Variants in IQCE observed in about 807,000 individuals in gnomAD.
IQCE encodes the protein IQ domain-containing protein E.
IQCE carries 115 observed loss-of-function variants against 96.0 expected under a neutral mutation model. That is an observed-to-expected ratio of 1.20 (90% CI 1.03 to 1.40). IQCE has a LOEUF of 1.40. Ranked by LOEUF, IQCE falls within the 40% of genes most tolerant of loss-of-function variation. The pLI is 0.00. For missense variants in IQCE, 1,041 were observed against 909.1 expected, an observed-to-expected ratio of 1.15 and a Z score of -1.87; for synonymous variants, 412 against 371.2, an observed-to-expected ratio of 1.11 and a Z score of -1.26.
intron 12 of IQCE, among the ~76,000 whole-genome samples, 200 bp downstream of exon 12, chr7:2,586,571 C>A (rs1783134685): frequency 6.6e-6 from 1 of 152,240 alleles, no homozygotes; most frequent in South Asian, 2.1e-4. Flanking sequence ...CAGAAGCTCA[C>A]AGACATCCCT....
At chr7:2,578,208 G>A (rs376126235) in intron 6 of IQCE, 34 bp from the exon 7 acceptor site, 8 of 1,521,032 alleles carry the variant, frequency 5.3e-6, no homozygotes, top group Non-Finnish European at 7.3e-6. Context: ...GCAGCTTCGT[G>A]TGGATGGCTG....
In IQCE at chr7:2,558,988, C is replaced by T. The variant is rs1269472611; in HGVS notation, c.-194C>T. The T allele has an allele frequency of 5.3e-5, 18 of 340,960 alleles. No individual in the cohort carries two copies. In the Admixed American group the frequency reaches 7.8e-4, roughly 15 times the overall value. 21.1% of individuals were successfully genotyped at this position (340,960 alleles called of 1,614,324 possible). ...GGCGCCCGCGGACTCTGCGCACGCGCATGGTCGCCCCAGGGGGAACGCAGG... is the reference window on the plus strand; with the variant it reads ...GGCGCCCGCGGACTCTGCGCACGCGTATGGTCGCCCCAGGGGGAACGCAGG... On this transcript the variant is annotated 5_prime_UTR_variant, in exon 1 of 22. Transcript: ENST00000402050.
intron 4 of IQCE, 134 bp downstream of exon 4, chr7:2,571,788 A>G: frequency 6.0e-6 from 6 of 1,006,528 alleles, no homozygotes; most frequent in Non-Finnish European, 7.2e-6. Flanking sequence ...GAAGACATCA[A>G]ATATACACAT....
chr7:2,608,243 C>T (rs1448242022), intron 21 of IQCE, among the ~76,000 whole-genome samples: 1 of 152,186 alleles, frequency 6.6e-6, no homozygotes, highest in Admixed American at 6.5e-5. Flanking sequence ...CCTCGCTTTC[C>T]TGGGAGATCC....
chr7:2,606,376 T>C (rs1159250133), intron 20 of IQCE, among the ~76,000 whole-genome samples: 2 of 152,092 alleles, frequency 1.3e-5, no homozygotes, highest in African/African-American at 4.8e-5. Context: ...ACCTCCGTGT[T>C]GGACACGGCA....
In IQCE at chr7:2,614,255, C is replaced by G. The variant is rs1420849139; in HGVS notation, c.*4093C>G. Reference sequence around the variant, plus strand: ...AGAAAGCACCGATAACCTTCAAGATCTGAATGAGATTCTATTATAACCCGT... The same window carrying G: ...AGAAAGCACCGATAACCTTCAAGATGTGAATGAGATTCTATTATAACCCGT... On this transcript the variant is annotated 3_prime_UTR_variant, in exon 22 of 22. Coordinates refer to ENST00000402050, the MANE Select transcript of IQCE (RefSeq NM_152558.5). 6.6e-6 allele frequency: 1 copy of G among 152,242 alleles called. No homozygotes were observed. Among genetic ancestry groups the G allele is most frequent in the Non-Finnish European group, 1.5e-5 (1 of 68,050 alleles). The allele number at this position is 152,242 out of a possible 1,614,324, so 9.4% of individuals were successfully genotyped here. A position where few individuals can be genotyped will look rare whatever the true frequency, so the allele number is the denominator to read the frequency against.
At chr7:2,582,698 G>T (rs776934510) in intron 9 of IQCE, 48 bp downstream of exon 9, 100 of 1,556,394 alleles carry the variant, frequency 6.4e-5, no homozygotes, top group Middle Eastern at 1.7e-4. Context: ...CCCGTGTTCT[G>T]CTTGCTCAGA....
intron 12 of IQCE, among the ~76,000 whole-genome samples, chr7:2,586,737 C>T (rs1196614639): frequency 6.6e-6 from 1 of 152,120 alleles, no homozygotes; most frequent in Non-Finnish European, 1.5e-5. Flanking sequence ...GGAAGGCACC[C>T]CCAAGACGGT....
chr7:2,602,239 G>A (rs1013033853), intron 18 of IQCE, among the ~76,000 whole-genome samples: 5 of 152,250 alleles, frequency 3.3e-5, no homozygotes, highest in African/African-American at 1.2e-4. Flanking sequence ...GGTGGGACAA[G>A]GAGTCTGAGA....
chr7:2,602,461 C>A (rs1784497875), intron 18 of IQCE, among the ~76,000 whole-genome samples: 1 of 152,196 alleles, frequency 6.6e-6, no homozygotes, highest in African/African-American at 2.4e-5. Flanking sequence ...TCCACTTAGA[C>A]TGCAGGAGAG....
chr7:2,559,709 T>G (rs1780778092), intron 1 of IQCE, among the ~76,000 whole-genome samples: 1 of 141,068 alleles, frequency 7.1e-6, no homozygotes. Flanking sequence ...GGTTAGTTAC[T>G]TTGCCCGGTA....
In IQCE at chr7:2,591,616, ATTTTTTT is replaced by A. The variant is rs766125885; in HGVS notation, c.1245-1390_1245-1384del. Among the ~76,000 whole-genome samples, 338 of 118,686 alleles carry A rather than the reference ATTTTTTT, an allele frequency of 2.8e-3. 1 individual carries two copies. The highest frequency in any genetic ancestry group is 3.1e-3 in the East Asian group (13 of 4,138). The allele number at this position is 118,686 out of a possible 152,430, so 77.9% of individuals were successfully genotyped here. A position where few individuals can be genotyped will look rare whatever the true frequency, so the allele number is the denominator to read the frequency against. ...CTGCTTCCAGTGGGATCTGCGGGTGATTTTTTTTTTTTTTTTTTTTTTGAGACAGAAT... is the reference window on the plus strand; with the variant it reads ...CTGCTTCCAGTGGGATCTGCGGGTGATTTTTTTTTTTTTTTGAGACAGAAT... On this transcript the variant is annotated intron_variant, in intron 14 of 21. Coordinates refer to ENST00000402050, the MANE Select transcript of IQCE (RefSeq NM_152558.5).
intron 14 of IQCE, among the ~76,000 whole-genome samples, chr7:2,591,761 C>T (rs1460126172): frequency 1.3e-5 from 2 of 152,090 alleles, no homozygotes; most frequent in South Asian, 2.1e-4. Context: ...GCTGGGATTA[C>T]AGGCATGTGC....
chr7:2,564,233 C>A (rs772499581), intron 1 of IQCE, among the ~76,000 whole-genome samples: 1 of 151,894 alleles, frequency 6.6e-6, no homozygotes, highest in Non-Finnish European at 1.5e-5. Context: ...AAATTTCACT[C>A]ATCTAAGATA....
intron 1 of IQCE, among the ~76,000 whole-genome samples, chr7:2,564,613 T>C (rs1781225446): frequency 6.6e-6 from 1 of 152,006 alleles, no homozygotes; most frequent in Admixed American, 6.5e-5. Flanking sequence ...AAAAAAAATC[T>C]ATACATTTGT....
intron 3 of IQCE, among the ~76,000 whole-genome samples, chr7:2,569,636 G>T (rs36113256): frequency 6.6e-6 from 1 of 152,172 alleles, no homozygotes; most frequent in Non-Finnish European, 1.5e-5. Context: ...GACCTTGTGC[G>T]TACGAATGTG....
chr7:2,559,777 GGGGGGC>G (rs1583366050), intron 1 of IQCE, among the ~76,000 whole-genome samples: 1 of 127,834 alleles, frequency 7.8e-6, no homozygotes, highest in African/African-American at 2.8e-5. Flanking sequence ...GGGGGGGGGG[GGGGGGC>G]GGAGGGACAA....
intron 1 of IQCE, among the ~76,000 whole-genome samples, chr7:2,564,967 T>G (rs1781251926): frequency 6.6e-6 from 1 of 152,234 alleles, no homozygotes; most frequent in Admixed American, 6.5e-5. Flanking sequence ...CCATTTCTTC[T>G]GTTACAACCA....
In IQCE at chr7:2,613,609, CG is replaced by C. The variant is rs1285132570; in HGVS notation, c.*3449del. The C allele has an allele frequency of 6.6e-6, 1 of 152,314 alleles. No individual in the cohort carries two copies. The highest frequency in any genetic ancestry group is 2.4e-5 in the African/African-American group (1 of 41,434). The allele number at this position is 152,314 out of a possible 1,614,324, so 9.4% of individuals were successfully genotyped here. ...GTTCACATCACCCACCAGACAGCTG[CG>C]GAGAGAGTGCAGGGAGGGGCTGGGA... is the stretch of plus-strand genomic sequence containing the variant. On this transcript the variant is annotated 3_prime_UTR_variant, in exon 22 of 22. Transcript: ENST00000402050.
Sources: gnomAD v4.1 joint callset for allele counts (sites outside exome capture counted in the v4.1 genomes callset) on GRCh38, gnomAD v4.1.1 for gene constraint, MANE v1.5 for transcripts, NCBI Gene and HGNC (gene_info 2026-07-23, HGNC 2026-07-21) for gene names.